Variants in CABIN1 observed in about 807,000 individuals in gnomAD.
CABIN1 encodes calcineurin binding protein 1, also known as calcineurin-binding protein cabin-1.
Under a neutral mutation model 227.7 loss-of-function variants are expected in CABIN1, and 133 were observed. That is an observed-to-expected ratio of 0.58 (90% CI 0.51 to 0.67). CABIN1 has a LOEUF of 0.67. CABIN1 is among the 30% of genes least tolerant of loss of function. The pLI is 0.00. For missense variants in CABIN1, 2,408 were observed against 2,852.5 expected (o/e 0.84, Z 3.55); for synonymous variants, 1,086 against 1,155.1 (o/e 0.94, Z 1.21).
chr22:24,119,808 T>C (rs564968953), intron 28 of CABIN1, 110 bp downstream of exon 28: 97 of 1,064,314 alleles, frequency 9.1e-5, no homozygotes, highest in Non-Finnish European at 1.4e-4. Flanking sequence ...TAGCAGCACA[T>C]GGGAGGGATG....
At chr22:24,139,980 C>T (rs969917644) in intron 29 of CABIN1, among the ~76,000 whole-genome samples, 3 of 152,228 alleles carry the variant, frequency 2.0e-5, no homozygotes, top group African/African-American at 7.2e-5. Context: ...TGTCTCCATG[C>T]GGGGCCTTCA....
At chr22:24,030,856 A>G (rs1020698779) in intron 1 of CABIN1, among the ~76,000 whole-genome samples, 1 of 152,080 alleles carries the variant, frequency 6.6e-6, no homozygotes, top group Admixed American at 6.6e-5. Flanking sequence ...CTGAGAGGCC[A>G]TCTCCTGTCA....
At chr22:24,109,371 A>G (rs1157730987) in intron 26 of CABIN1, among the ~76,000 whole-genome samples, 1 of 149,268 alleles carries the variant, frequency 6.7e-6, no homozygotes, top group Non-Finnish European at 1.5e-5. Flanking sequence ...ACGCCTGCCT[A>G]ATTTTTTTTT....
At position 24,036,163 on chromosome 22, in the gene CABIN1, C is replaced by T; in HGVS notation, c.78C>T (p.Thr26=). ...DHEGSFKSHK[T]QTKEAQEAEA... ...AAGGAAGCTTTAAAAGTCACAAAAC[C>T]CAGACAAAGGAGGCTCAGGTACGTA... Residue 26 remains threonine, a synonymous_variant, in exon 3 of 37, where the codon ACC becomes ACT. Coordinates refer to ENST00000263119, the MANE Select transcript of CABIN1 (RefSeq NM_012295.4). 6.2e-7 allele frequency: 1 copy of T among 1,613,262 alleles called. No homozygotes were observed. The highest frequency in any genetic ancestry group is 8.5e-7 in the Non-Finnish European group (1 of 1,179,376).
rs2047163396 is a variant in CABIN1, at chr22:24,177,149, CA to C, written c.6206-353del. On this transcript the variant is annotated intron_variant, in intron 35 of 36. Coordinates refer to ENST00000263119, the MANE Select transcript of CABIN1 (RefSeq NM_012295.4). This position sits in a 1 kb window ranked among gnomAD's most constrained non-coding sequence, Gnocchi z 4.4. ...AGTGTCCTCCCTGGGGCATAGACAC[CA>C]ATAGGACATGCATCCTAGGATGGTT... 6.6e-6 allele frequency among the ~76,000 whole-genome samples: 1 copy of C among 152,214 alleles called. No individual in the cohort carries two copies. Among genetic ancestry groups the C allele is most frequent in the Non-Finnish European group, 1.5e-5 (1 of 68,034 alleles).
At chr22:24,124,949 CT>C (rs2043628534) in intron 28 of CABIN1, among the ~76,000 whole-genome samples, 1 of 152,286 alleles carries the variant, frequency 6.6e-6, no homozygotes, top group East Asian at 1.9e-4. Flanking sequence ...TCAAAACATA[CT>C]ACAAATCTAT....
At chr22:24,067,277 G>A (rs879056002) in intron 16 of CABIN1, 96 bp downstream of exon 16, 3 of 1,281,650 alleles carry the variant, frequency 2.3e-6, no homozygotes, top group South Asian at 2.5e-5. Flanking sequence ...TCTTAAGAAT[G>A]TATAGCTAGA....
chr22:24,113,542 C>T, intron 26 of CABIN1, 24 bp from the exon 27 acceptor site: 1 of 1,612,024 alleles, frequency 6.2e-7, no homozygotes, highest in Non-Finnish European at 8.5e-7. Flanking sequence ...TGCTCTCGCC[C>T]TCTCTTCCTC....
In CABIN1 at chr22:24,055,162, A is replaced by T; in HGVS notation, c.1093+3A>T. 1 of 1,609,624 alleles carries T rather than the reference A, an allele frequency of 6.2e-7. No individual in the cohort carries two copies. On this transcript the variant is annotated splice_donor_region_variant and intron_variant, in intron 9 of 36. Coordinates refer to ENST00000263119, the MANE Select transcript of CABIN1 (RefSeq NM_012295.4). ...GTTGGAGACAGGCGCTCCTGTGGGTAAGCAGGCCCCCTGAATTTGGCTTCC... is the reference window on the plus strand; with the variant it reads ...GTTGGAGACAGGCGCTCCTGTGGGTTAGCAGGCCCCCTGAATTTGGCTTCC...
chr22:24,096,213 G>A, intron 25 of CABIN1, 131 bp downstream of exon 25: 2 of 1,043,000 alleles, frequency 1.9e-6, no homozygotes, highest in Non-Finnish European at 2.9e-6. Flanking sequence ...GGAGTCCCTA[G>A]GACCCATCTG....
chr22:24,049,350 C>T (rs138428469), intron 7 of CABIN1, 130 bp downstream of exon 7: 29 of 1,122,398 alleles, frequency 2.6e-5, no homozygotes, highest in Admixed American at 3.7e-5. Context: ...CATGCCCTGC[C>T]GCAGCCCCTG....
intron 29 of CABIN1, among the ~76,000 whole-genome samples, chr22:24,163,203 C>T (rs1481171607): frequency 6.6e-6 from 1 of 152,164 alleles, no homozygotes; most frequent in East Asian, 1.9e-4. Flanking sequence ...GTGGACCCTC[C>T]ATGTCACAAC....
At chr22:24,152,098 C>T (rs142455045) in intron 29 of CABIN1, among the ~76,000 whole-genome samples, 39 of 152,344 alleles carry the variant, frequency 2.6e-4, no homozygotes, top group African/African-American at 8.7e-4. Context: ...GTGCCGTCCC[C>T]GTGGATGTGC....
At chr22:24,014,437 T>G (rs775431500) in intron 1 of CABIN1, among the ~76,000 whole-genome samples, 7 of 151,982 alleles carry the variant, frequency 4.6e-5, no homozygotes, top group Non-Finnish European at 8.8e-5. Context: ...TTTTTTTCCT[T>G]CAAGCACTTA....
chr22:24,017,254 G>C (rs1347091135), intron 1 of CABIN1, among the ~76,000 whole-genome samples: 1 of 151,648 alleles, frequency 6.6e-6, no homozygotes, highest in East Asian at 1.9e-4. Context: ...AGCCAGGATG[G>C]TCTCCATCTC....
chr22:24,136,739 G>GCACACA (rs200091743), intron 29 of CABIN1, among the ~76,000 whole-genome samples: 247 of 139,716 alleles, frequency 1.8e-3, no homozygotes, highest in African/African-American at 5.5e-3. Flanking sequence ...ACACACACAC[G>GCACACA]CACACACACA....
At chr22:24,012,102 T>C (rs891516532) in intron 1 of CABIN1, among the ~76,000 whole-genome samples, 9 of 152,170 alleles carry the variant, frequency 5.9e-5, no homozygotes, top group African/African-American at 2.2e-4. Context: ...AATATATCAG[T>C]GTTTACATTG....
chr22:24,149,015 A>G (rs1200788050), intron 29 of CABIN1, among the ~76,000 whole-genome samples: 1 of 151,988 alleles, frequency 6.6e-6, no homozygotes, highest in African/African-American at 2.4e-5. Context: ...CTTTTTTCCT[A>G]TTTGGCAAGT....
chr22:24,152,613 G>C (rs149859350), intron 29 of CABIN1, among the ~76,000 whole-genome samples: 2,668 of 152,320 alleles, frequency 0.018, 30 homozygotes, highest in Non-Finnish European at 0.03. Flanking sequence ...CCCAGGCTGA[G>C]AACGGGGACT....
Sources: allele counts gnomAD v4.1 joint callset (sites outside exome capture counted in the v4.1 genomes callset), GRCh38; gene constraint gnomAD v4.1.1; non-coding constraint Gnocchi (gnomAD v3.1); transcripts MANE v1.5; gene names NCBI Gene and HGNC (gene_info 2026-07-23, HGNC 2026-07-21).